RBKS: variants seen among roughly 807,000 people sequenced by gnomAD.
The protein encoded by RBKS is ribokinase.
A neutral mutation model predicts 33.9 loss-of-function variants in RBKS; 33 were observed. That is an observed-to-expected ratio of 0.97 (90% CI 0.74 to 1.30). The LOEUF (loss-of-function observed/expected upper bound fraction) is 1.30, where lower values mean the gene tolerates loss of function less well. Ranked by LOEUF, RBKS falls within the 50% of genes most tolerant of loss-of-function variation. The probability of loss-of-function intolerance (pLI) is 0.00; values close to 1 mark genes in which losing one functional copy is unlikely to be tolerated. For synonymous variants in RBKS, 125 were observed against 143.0 expected (o/e 0.87, Z 0.90); for missense variants, 361 against 392.6 (o/e 0.92, Z 0.68).
At chr2:27,869,473 C>G (rs193271087) in intron 1 of RBKS, among the ~76,000 whole-genome samples, 49 of 152,280 alleles carry the variant, frequency 3.2e-4, no homozygotes, top group Non-Finnish European at 5.6e-4. Flanking sequence ...GCTTAATGTT[C>G]TGTGGTATTC....
chr2:27,885,854 A>G (rs1204926610), intron 1 of RBKS, among the ~76,000 whole-genome samples: 1 of 152,250 alleles, frequency 6.6e-6, no homozygotes, highest in Admixed American at 6.5e-5. Context: ...AATTCAATAA[A>G]TATTTCTTGA....
At chr2:27,804,959 C>T (rs904329665) in intron 7 of RBKS, among the ~76,000 whole-genome samples, 4 of 151,232 alleles carry the variant, frequency 2.6e-5, no homozygotes, top group Non-Finnish European at 5.9e-5. Context: ...CCCAGGAAGT[C>T]GAGGCTGCAG....
At chr2:27,826,043 A>G (rs1321172413) in intron 7 of RBKS, among the ~76,000 whole-genome samples, 1 of 152,240 alleles carries the variant, frequency 6.6e-6, no homozygotes, top group Non-Finnish European at 1.5e-5. Context: ...GACAAAACAG[A>G]AAATAAACTA....
At chr2:27,889,977 A>G in intron 1 of RBKS, 1 of 339,232 alleles carries the variant, frequency 2.9e-6, no homozygotes, top group South Asian at 8.1e-5. Context: ...TTGGGGGCGC[A>G]AGTCTTTGGA....
intron 7 of RBKS, among the ~76,000 whole-genome samples, chr2:27,787,870 GTA>G (rs368783885): frequency 4.0e-5 from 6 of 151,022 alleles, no homozygotes; most frequent in African/African-American, 1.2e-4. Context: ...ATATGTGTGT[GTA>G]TATATATATA....
At chr2:27,807,700 T>C (rs1677920772) in intron 7 of RBKS, among the ~76,000 whole-genome samples, 2 of 152,062 alleles carry the variant, frequency 1.3e-5, no homozygotes, top group Non-Finnish European at 2.9e-5. Context: ...GCTGCAAAGG[T>C]GTGGAAGATG....
rs563750103 is a variant in RBKS at position 27,805,061 on chromosome 2, A to G, written c.795+22506T>C. On this transcript the variant is annotated intron_variant, in intron 7 of 7. Coordinates refer to ENST00000302188, the MANE Select transcript of RBKS (RefSeq NM_022128.3). Reference sequence around the variant, plus strand: ...TGTTGTTTGTAAAGGCTAATCTCTAAGGTAAAAATCCATCCACATTCTTCT... The same window carrying G: ...TGTTGTTTGTAAAGGCTAATCTCTAGGGTAAAAATCCATCCACATTCTTCT... Among the ~76,000 whole-genome samples the G allele has an allele frequency of 1.0e-3, 155 of 152,116 alleles. 1 individual carries two copies. Among genetic ancestry groups the G allele is most frequent in the African/African-American group, 3.5e-3 (147 of 41,476 alleles).
Position 27,835,709 on chromosome 2 carries a change from G to A in RBKS, c.515-2932C>T, listed in dbSNP as rs373326705. 2.4e-4 allele frequency among the ~76,000 whole-genome samples: 36 copies of A among 151,212 alleles called. 1 individual carries two copies. Among genetic ancestry groups the A allele is most frequent in the African/African-American group, 8.5e-4 (35 of 41,142 alleles). Reference sequence around the variant, plus strand: ...CAAAATGCTAAGATTACAGGTGTGAGCCACCGTGCCCGGCCTACCTCCCCT... The same window carrying A: ...CAAAATGCTAAGATTACAGGTGTGAACCACCGTGCCCGGCCTACCTCCCCT... On this transcript the variant is annotated intron_variant, in intron 5 of 7. Coordinates refer to ENST00000302188, the MANE Select transcript of RBKS (RefSeq NM_022128.3).
chr2:27,858,797 G>C (rs1393996236), intron 1 of RBKS, among the ~76,000 whole-genome samples: 9 of 152,190 alleles, frequency 5.9e-5, no homozygotes, highest in Non-Finnish European at 1.3e-4. Flanking sequence ...CTCTCCTAGA[G>C]ACCACTACTG....
At position 27,848,136 on chromosome 2, in the gene RBKS, T is replaced by C. The variant is rs374924268; in HGVS notation, c.223-39A>G. On this transcript the variant is annotated intron_variant, in intron 2 of 7. Transcript: ENST00000302188. ...ATAATGAATATTAGATCTTTTAGAG[T>C]TAGTAAAATGCTACAATGTAGTTTT... 1.7e-5 allele frequency: 20 copies of C among 1,173,392 alleles called. No individual in the cohort carries two copies. In the African/African-American group the frequency reaches 2.5e-4, roughly 14 times the overall value. The allele number at this position is 1,173,392 out of a possible 1,614,324, so 72.7% of individuals were successfully genotyped here.
At chr2:27,821,818 C>A (rs116090973) in intron 7 of RBKS, among the ~76,000 whole-genome samples, 240 of 152,244 alleles carry the variant, frequency 1.6e-3, no homozygotes, top group Non-Finnish European at 2.8e-3. Flanking sequence ...CAGTGCAGTT[C>A]AAAATTAGCC....
chr2:27,858,678 AC>A, intron 1 of RBKS, 107 bp from the exon 2 acceptor site: 2 of 921,660 alleles, frequency 2.2e-6, no homozygotes, highest in Non-Finnish European at 3.3e-6. Context: ...AATAGTCTTA[AC>A]AATTAGAACT....
intron 1 of RBKS, chr2:27,870,821 T>TG (rs368933152): frequency 1.1e-5 from 5 of 465,196 alleles, no homozygotes; most frequent in African/African-American, 8.0e-5. Flanking sequence ...CGCAAAGACT[T>TG]GAACAGTTCT....
chr2:27,874,631 C>T (rs1456069623), intron 1 of RBKS, among the ~76,000 whole-genome samples: 1 of 152,192 alleles, frequency 6.6e-6, no homozygotes, highest in Non-Finnish European at 1.5e-5. Context: ...ATAACTCCAA[C>T]CCCTTTCTCT....
chr2:27,866,563 C>T (rs1204818799), intron 1 of RBKS, among the ~76,000 whole-genome samples: 1 of 152,168 alleles, frequency 6.6e-6, no homozygotes, highest in East Asian at 1.9e-4. Context: ...CCACAGGTCA[C>T]AGACACTGTG....
At chr2:27,815,379 T>C (rs1558539913) in intron 7 of RBKS, among the ~76,000 whole-genome samples, 1 of 152,060 alleles carries the variant, frequency 6.6e-6, no homozygotes, top group Non-Finnish European at 1.5e-5. Flanking sequence ...GCTAACTTTT[T>C]TTGTCGAAAT....
chr2:27,838,632 G>T (rs761646920), intron 5 of RBKS, among the ~76,000 whole-genome samples: 11 of 152,186 alleles, frequency 7.2e-5, no homozygotes, highest in Non-Finnish European at 8.8e-5. Context: ...TACCACAAAT[G>T]AGCATACTCC....
At chr2:27,827,445 C>G in intron 7 of RBKS, 122 bp downstream of exon 7, 1 of 830,578 alleles carries the variant, frequency 1.2e-6, no homozygotes, top group Non-Finnish European at 1.8e-6. Flanking sequence ...TTGTTCTTCT[C>G]TTTTACCATA....
intron 7 of RBKS, among the ~76,000 whole-genome samples, chr2:27,825,238 C>T (rs550480542): frequency 2.9e-4 from 44 of 152,296 alleles, no homozygotes; most frequent in Non-Finnish European, 5.3e-4. Context: ...AATGCACACT[C>T]ACTTTATCCT....
Sources: allele counts gnomAD v4.1 joint callset (sites outside exome capture counted in the v4.1 genomes callset), GRCh38; gene constraint gnomAD v4.1.1; transcripts MANE v1.5; gene names NCBI Gene and HGNC (gene_info 2026-07-23, HGNC 2026-07-21).